TMCO5A: variants seen among roughly 807,000 people sequenced by gnomAD.
TMCO5A encodes transmembrane and coiled-coil domain-containing protein 5A.
A neutral mutation model predicts 42.3 loss-of-function variants in TMCO5A; 34 were observed. The ratio of observed to expected loss-of-function variants is 0.80; its 90% confidence interval spans 0.61 to 1.07. The LOEUF (loss-of-function observed/expected upper bound fraction) is 1.07. Ranked by LOEUF, TMCO5A falls within the 50% of genes least tolerant of loss-of-function variation. The pLI is 0.00. For synonymous variants in TMCO5A, 131 were observed against 115.6 expected, an observed-to-expected ratio of 1.13 and a Z score of -0.86; for missense variants, 357 against 327.9, an observed-to-expected ratio of 1.09 and a Z score of -0.69.
At chr15:37,965,923 G>A (rs1326323482) in intron 11 of TMCO5A, among the ~76,000 whole-genome samples, 1 of 151,946 alleles carries the variant, frequency 6.6e-6, no homozygotes, top group Non-Finnish European at 1.5e-5. Context: ...CAAAACAAAG[G>A]AAATCAGTAC....
At chr15:38,000,115 C>T in the TMCO5A span, among the ~76,000 whole-genome samples, 1 of 152,064 alleles carries the variant, frequency 6.6e-6, no homozygotes, top group African/African-American at 2.4e-5. Context: ...TCTTTAAATG[C>T]TTGGTAGAAT....
chr15:38,023,074 A>T, the TMCO5A span, among the ~76,000 whole-genome samples: 2 of 152,200 alleles, frequency 1.3e-5, no homozygotes, highest in African/African-American at 4.8e-5. Context: ...GAGTCTAAAG[A>T]TCATCTGGAA....
the TMCO5A span, among the ~76,000 whole-genome samples, chr15:38,013,529 G>C: frequency 6.6e-6 from 1 of 152,180 alleles, no homozygotes; most frequent in Admixed American, 6.5e-5. Context: ...TCAGTGATGT[G>C]ATAGGAGCTC....
chr15:38,008,116 C>T, the TMCO5A span, among the ~76,000 whole-genome samples: 2 of 151,578 alleles, frequency 1.3e-5, no homozygotes, highest in African/African-American at 4.8e-5. Context: ...GGGATGGTCT[C>T]GATCTCCTGA....
chr15:38,012,022 G>C, the TMCO5A span, among the ~76,000 whole-genome samples: 1 of 152,094 alleles, frequency 6.6e-6, no homozygotes, highest in Non-Finnish European at 1.5e-5. Flanking sequence ...TACTCAGGAG[G>C]CTGAAGGAGG....
the TMCO5A span, among the ~76,000 whole-genome samples, chr15:37,980,743 G>A: frequency 1.7e-4 from 26 of 151,716 alleles, no homozygotes; most frequent in African/African-American, 6.1e-4. Context: ...CCCACTGGGT[G>A]GCCAATGCTA....
chr15:37,941,259 T>C, intron 7 of TMCO5A, 54 bp downstream of exon 7: 1 of 1,540,826 alleles, frequency 6.5e-7, no homozygotes. Context: ...ATGTGATCTT[T>C]GGTCAGGCAA....
At position 37,960,357 on chromosome 15, in the gene TMCO5A, A is replaced by G. The variant is rs919526911; in HGVS notation, c.669-6268A>G. On this transcript the variant is annotated intron_variant, in intron 11 of 11. Transcript: ENST00000559502. ...TCTCATCCAGGTTGCTGCAAATGCCATTATTTCATTTCTTTTTATGGCTGA... is the reference window on the plus strand; with the variant it reads ...TCTCATCCAGGTTGCTGCAAATGCCGTTATTTCATTTCTTTTTATGGCTGA... 1.4e-3 allele frequency among the ~76,000 whole-genome samples: 209 copies of G among 152,182 alleles called. 4 individuals carry two copies. The highest frequency in any genetic ancestry group is 7.5e-3 in the Admixed American group (115 of 15,238).
At chr15:38,028,809 C>T in the TMCO5A span, among the ~76,000 whole-genome samples, 631 of 152,220 alleles carry the variant, frequency 4.1e-3, 4 homozygotes, top group Non-Finnish European at 6.0e-3. Context: ...ACACCTTGTG[C>T]GCCTGCAAAG....
chr15:37,948,578 C>T (rs1178328277), intron 11 of TMCO5A, among the ~76,000 whole-genome samples: 1 of 152,046 alleles, frequency 6.6e-6, no homozygotes, highest in Non-Finnish European at 1.5e-5. Context: ...TATACTCCAA[C>T]ACAAGGGCCC....
rs146862960 is a variant in TMCO5A at position 37,935,234 on chromosome 15, A to C, written c.-102-23A>C. 9 of 152,218 alleles carry C rather than the reference A, an allele frequency of 5.9e-5. No homozygotes were observed. In the East Asian group the frequency reaches 1.7e-3, roughly 30 times the overall value. The allele number at this position is 152,218 out of a possible 1,614,324, so 9.4% of individuals were successfully genotyped here. A position where few individuals can be genotyped will look rare whatever the true frequency, so the allele number is the denominator to read the frequency against. ...TGAACCCATTTCTCCAATTCATTAG[A>C]TACATCTCTGTTGGCATTTTAGGGA... On this transcript the variant is annotated intron_variant, in intron 1 of 11. Coordinates refer to ENST00000319669, the MANE Select transcript of TMCO5A (RefSeq NM_152453.4).
At chr15:37,964,758 G>T (rs1890517367) in intron 11 of TMCO5A, among the ~76,000 whole-genome samples, 1 of 152,094 alleles carries the variant, frequency 6.6e-6, no homozygotes, top group Admixed American at 6.6e-5. Flanking sequence ...GAAAGAAATT[G>T]AAGAGGACAC....
chr15:37,937,487 C>G, intron 5 of TMCO5A, 91 bp downstream of exon 5: 1 of 1,412,328 alleles, frequency 7.1e-7, no homozygotes. Flanking sequence ...ATAGAGGAAC[C>G]CATAAGTCAG....
chr15:38,027,476 C>A, the TMCO5A span, among the ~76,000 whole-genome samples: 1 of 152,172 alleles, frequency 6.6e-6, no homozygotes, highest in Non-Finnish European at 1.5e-5. Flanking sequence ...AACTAGCTTG[C>A]TTTTGACTTT....
chr15:37,988,108 A>G, the TMCO5A span, among the ~76,000 whole-genome samples: 1 of 151,832 alleles, frequency 6.6e-6, no homozygotes, highest in Admixed American at 6.6e-5. Flanking sequence ...TAATTTTTGA[A>G]GCTATTGTAA....
the TMCO5A span, chr15:38,020,356 T>C: frequency 2.0e-5 from 3 of 152,056 alleles, no homozygotes; most frequent in African/African-American, 7.2e-5. Context: ...AATAACTTCA[T>C]AGAGAAAAAT....
At chr15:37,966,285 G>A (rs76323324) in intron 11 of TMCO5A, among the ~76,000 whole-genome samples, 1 of 150,812 alleles carries the variant, frequency 6.6e-6, no homozygotes, top group South Asian at 2.1e-4. Flanking sequence ...AATGCTTAGT[G>A]GTTTTTTTTT....
At chr15:37,941,760 G>C (rs780624374) in intron 8 of TMCO5A, 30 bp downstream of exon 8, 1 of 1,566,294 alleles carries the variant, frequency 6.4e-7, no homozygotes, top group Non-Finnish European at 8.8e-7. Context: ...GGATAGCAAA[G>C]GGTTTATTAA....
the TMCO5A span, among the ~76,000 whole-genome samples, chr15:38,021,684 T>C: frequency 4.6e-5 from 7 of 152,152 alleles, no homozygotes; most frequent in East Asian, 1.3e-3. Context: ...TCTAAAAAGA[T>C]AAAATTTAAA....
Sources: gnomAD v4.1 joint callset for allele counts (sites outside exome capture counted in the v4.1 genomes callset) on GRCh38, gnomAD v4.1.1 for gene constraint, MANE v1.5 for transcripts, NCBI Gene and HGNC (gene_info 2026-07-23, HGNC 2026-07-21) for gene names.